PITPNM2: variants seen among roughly 807,000 people sequenced by gnomAD.
The protein encoded by PITPNM2 is phosphatidylinositol transfer protein membrane associated 2.
In PITPNM2, 35 loss-of-function variants were observed where a neutral mutation model predicts 132.2. The ratio of observed to expected loss-of-function variants is 0.26; its 90% CI spans 0.20 to 0.35. The LOEUF (loss-of-function observed/expected upper bound fraction) is 0.35. PITPNM2 is among the 10% of genes least tolerant of loss of function. The probability of loss-of-function intolerance (pLI) is 1.00; values close to 1 mark genes in which losing one functional copy is unlikely to be tolerated. For synonymous variants in PITPNM2, 738 were observed against 799.2 expected, an observed-to-expected ratio of 0.92 and a Z score of 1.29; for missense variants, 1,332 against 1,912.0, an observed-to-expected ratio of 0.70 and a Z score of 5.66.
chr12:123,018,085 TTCTC>T (rs1409149372), intron 3 of PITPNM2, among the ~76,000 whole-genome samples: 1 of 139,466 alleles, frequency 7.2e-6, no homozygotes, highest in East Asian at 2.5e-4. Context: ...CTCTTTCTCT[TTCTC>T]TCTTTCCTCT....
At chr12:123,006,509 TGGGCAACACA>T (rs1390699201) in intron 6 of PITPNM2, among the ~76,000 whole-genome samples, 1 of 150,056 alleles carries the variant, frequency 6.7e-6, no homozygotes, top group African/African-American at 2.5e-5. Flanking sequence ...CAGACCAGCC[TGGGCAACACA>T]GGGAGATCCC....
rs541699031 is a variant in PITPNM2 at position 123,030,304 on chromosome 12, G to C, written c.78+4209C>G. Among the ~76,000 whole-genome samples the C allele has an allele frequency of 1.5e-4, 23 of 152,308 alleles. 1 individual carries two copies. In the South Asian group the frequency reaches 3.9e-3, roughly 26 times the overall value. ...GAATGTAAAATGGTGCAGCCACTGT[G>C]GAAAACAGTCTGGTGGTTCCTGCAG... On this transcript the variant is annotated intron_variant, in intron 3 of 25. Transcript: ENST00000320201.
intron 23 of PITPNM2, 135 bp downstream of exon 23, chr12:122,987,146 T>G: frequency 1.6e-6 from 2 of 1,271,860 alleles, no homozygotes; most frequent in Non-Finnish European, 2.2e-6. Flanking sequence ...GGCTCTGAAC[T>G]GAGGTCCTTA....
chr12:123,056,754 C>T (rs2041042015), intron 2 of PITPNM2, among the ~76,000 whole-genome samples: 1 of 152,218 alleles, frequency 6.6e-6, no homozygotes, highest in African/African-American at 2.4e-5. Flanking sequence ...GGGCCTGGCT[C>T]TCTCCATACC....
chr12:123,044,488 G>A (rs1218087714), intron 2 of PITPNM2, among the ~76,000 whole-genome samples: 2 of 152,214 alleles, frequency 1.3e-5, no homozygotes, highest in Middle Eastern at 3.2e-3. Flanking sequence ...CAATTCTCCA[G>A]GGAAATCAGA....
chr12:122,996,987 C>G, intron 11 of PITPNM2, 77 bp from the exon 12 acceptor site: 1 of 1,347,194 alleles, frequency 7.4e-7, no homozygotes, highest in Non-Finnish European at 1.0e-6. Context: ...TGACCTGAGT[C>G]TCAGCCATGG....
chr12:123,007,196 C>T (rs1243224928), intron 6 of PITPNM2, among the ~76,000 whole-genome samples: 1 of 152,142 alleles, frequency 6.6e-6, no homozygotes, highest in East Asian at 1.9e-4. Flanking sequence ...TATTTTTCTG[C>T]CACTTGCTTC....
chr12:123,044,303 A>C (rs779520082), intron 2 of PITPNM2, among the ~76,000 whole-genome samples: 50 of 152,284 alleles, frequency 3.3e-4, no homozygotes, highest in Non-Finnish European at 6.8e-4. Flanking sequence ...AAGAAGTGCC[A>C]GGGCTTTTCA....
intron 6 of PITPNM2, chr12:123,007,523 G>T (rs996485199): frequency 3.5e-5 from 14 of 405,640 alleles, no homozygotes; most frequent in Admixed American, 1.4e-4. Flanking sequence ...CTCCCAGGCT[G>T]GTCTCCTGTG....
intron 4 of PITPNM2, 150 bp from the exon 5 acceptor site, chr12:123,012,884 A>G (rs1475135927): frequency 1.9e-6 from 2 of 1,058,718 alleles, no homozygotes; most frequent in African/African-American, 1.6e-5. Context: ...TGCCCTGTCC[A>G]CCTCTTGGAT....
At chr12:123,063,930 G>T (rs2041329659) in intron 2 of PITPNM2, among the ~76,000 whole-genome samples, 1 of 152,168 alleles carries the variant, frequency 6.6e-6, no homozygotes, top group Non-Finnish European at 1.5e-5. Flanking sequence ...TCATAGGGTA[G>T]TAAGGGGAAT....
In PITPNM2 at chr12:122,995,538, C is replaced by T. The variant is rs2038388835; in HGVS notation, c.1905G>A (p.Leu635=). 2 of 1,611,190 alleles carry T rather than the reference C, an allele frequency of 1.2e-6. No homozygotes were observed. The highest frequency in any genetic ancestry group is 1.7e-5 in the Admixed American group (1 of 60,006). Residue 635 remains leucine, a synonymous_variant, in exon 14 of 26, where the codon CTG becomes CTA. Coordinates refer to ENST00000320201, the MANE Select transcript of PITPNM2 (RefSeq NM_020845.3). ...TTCGGCTCAGGTGCCGACTGCTCTCCAGGCTGGAGCCACCACTACTGCCAC... is the reference window on the plus strand; with the variant it reads ...TTCGGCTCAGGTGCCGACTGCTCTCTAGGCTGGAGCCACCACTACTGCCAC... ...GGGGSSGGSS[L]ESSRHLSRSN...
At chr12:123,118,406 A>C (rs1048015821) in intron 1 of PITPNM2, among the ~76,000 whole-genome samples, 15 of 152,338 alleles carry the variant, frequency 9.8e-5, no homozygotes, top group African/African-American at 3.4e-4. Flanking sequence ...GCAAAGAAAG[A>C]AAGCAACCAA....
At chr12:123,129,163 T>A (rs2043209360) in intron 1 of PITPNM2, among the ~76,000 whole-genome samples, 1 of 151,106 alleles carries the variant, frequency 6.6e-6, no homozygotes, top group African/African-American at 2.4e-5. Flanking sequence ...AGGCTAGGCA[T>A]GGTGGCGCAC....
intron 1 of PITPNM2, among the ~76,000 whole-genome samples, chr12:123,143,746 A>G (rs2043554874): frequency 6.6e-6 from 1 of 152,184 alleles, no homozygotes; most frequent in South Asian, 2.1e-4. Context: ...GAGCAGAGAG[A>G]GATGGGCACC....
intron 2 of PITPNM2, among the ~76,000 whole-genome samples, chr12:123,076,312 G>A (rs1175664939): frequency 6.6e-6 from 1 of 152,186 alleles, no homozygotes; most frequent in East Asian, 1.9e-4. Flanking sequence ...CTGCCCAGTT[G>A]TAACCCATCT....
intron 1 of PITPNM2, among the ~76,000 whole-genome samples, chr12:123,123,722 G>A (rs2043076805): frequency 6.6e-6 from 1 of 151,884 alleles, no homozygotes; most frequent in Admixed American, 6.6e-5. Context: ...ATCAATTGAG[G>A]CCAGGAGTTG....
Position 123,097,702 on chromosome 12 carries a change from A to G in PITPNM2, c.-96+12683T>C, listed in dbSNP as rs2042447366. Among the ~76,000 whole-genome samples, 1 of 152,032 alleles carries G rather than the reference A, an allele frequency of 6.6e-6. No homozygotes were observed. The highest frequency in any genetic ancestry group is 1.5e-5 in the Non-Finnish European group (1 of 68,010). On this transcript the variant is annotated intron_variant, in intron 2 of 25. Transcript: ENST00000320201. The surrounding 1 kb of genome is among the most constrained non-coding windows in gnomAD (Gnocchi z 4.7). ...GTCTGCCTTCCACTGGGGTTTTTCA[A>G]TCTGTGCCTATATTTATCGCCCAAA...
chr12:123,090,029 A>G (rs562519253), intron 2 of PITPNM2: 3 of 152,342 alleles, frequency 2.0e-5, no homozygotes, highest in African/African-American at 7.2e-5. Flanking sequence ...AAATTAACCC[A>G]AAACTTAGTT....
Sources: gnomAD v4.1 joint callset for allele counts (sites outside exome capture counted in the v4.1 genomes callset) on GRCh38, gnomAD v4.1.1 for gene constraint, Gnocchi (gnomAD v3.1) non-coding constraint, MANE v1.5 for transcripts, NCBI Gene and HGNC (gene_info 2026-07-23, HGNC 2026-07-21) for gene names.